GABRB1: variants seen among roughly 807,000 people sequenced by gnomAD.
GABRB1 encodes the protein gamma-aminobutyric acid type A receptor subunit beta1, also known as gamma-aminobutyric acid receptor subunit beta-1.
In GABRB1, 17 loss-of-function variants were observed where a neutral mutation model predicts 51.6. The observed-to-expected ratio is 0.33, with a 90% CI of 0.23 to 0.49. The LOEUF (loss-of-function observed/expected upper bound fraction) is 0.49. GABRB1 is among the 20% of genes least tolerant of loss of function. The pLI is 0.99. For missense variants in GABRB1, 410 were observed against 600.6 expected (o/e 0.68, Z 3.32); for synonymous variants, 247 against 218.9 (o/e 1.13, Z -1.14).
intron 5 of GABRB1, among the ~76,000 whole-genome samples, chr4:47,349,260 A>T (rs1726220002): frequency 6.6e-6 from 1 of 152,152 alleles, no homozygotes; most frequent in South Asian, 2.1e-4. Flanking sequence ...GGTAAGGAAG[A>T]TGGCTTGGGA....
intron 4 of GABRB1, among the ~76,000 whole-genome samples, chr4:47,268,950 T>C (rs539238679): frequency 6.6e-6 from 1 of 152,206 alleles, no homozygotes; most frequent in African/African-American, 2.4e-5. Flanking sequence ...CTGTGTTTCA[T>C]GCAAAATGAA....
At chr4:47,156,211 C>T (rs985673636) in intron 3 of GABRB1, among the ~76,000 whole-genome samples, 4 of 151,864 alleles carry the variant, frequency 2.6e-5, no homozygotes, top group Non-Finnish European at 5.9e-5. Flanking sequence ...CTTTTCTCCA[C>T]ATCCTTTCCA....
chr4:47,053,920 G>A (rs919008381), intron 3 of GABRB1, among the ~76,000 whole-genome samples: 5 of 152,078 alleles, frequency 3.3e-5, no homozygotes, highest in African/African-American at 1.2e-4. Flanking sequence ...TTCACTGATT[G>A]TTGCACGTGC....
At chr4:47,210,925 G>A (rs1578004203) in intron 4 of GABRB1, among the ~76,000 whole-genome samples, 3 of 152,254 alleles carry the variant, frequency 2.0e-5, no homozygotes, top group Admixed American at 1.3e-4. Context: ...GAGGTGACAA[G>A]TAGAAATTAG....
chr4:47,254,361 GTTTTTTTTTTTTTTTT>G (rs56838956), intron 4 of GABRB1, among the ~76,000 whole-genome samples: 1 of 80,966 alleles, frequency 1.2e-5, no homozygotes, highest in Non-Finnish European at 2.3e-5. Context: ...TCTTTTCTTT[GTTTTTTTTTTTTTTTT>G]TTTTTTTTTT....
Position 47,421,954 on chromosome 4 carries a change from C to T in GABRB1, c.1081-3720C>T, listed in dbSNP as rs1219342402. On this transcript the variant is annotated intron_variant, in intron 8 of 8. Transcript: ENST00000295454. ...TTATCTTCTAATGTAATTCTCCCTC[C>T]TTTAAGGAATTCAAGCATTTTGGTC... Among the ~76,000 whole-genome samples, 3 of 152,226 alleles carry T rather than the reference C, an allele frequency of 2.0e-5. No individual in the cohort carries two copies. In the East Asian group the frequency reaches 5.8e-4, roughly 29 times the overall value.
At chr4:47,165,962 T>C (rs890231298) in intron 4 of GABRB1, among the ~76,000 whole-genome samples, 1 of 152,102 alleles carries the variant, frequency 6.6e-6, no homozygotes, top group South Asian at 2.1e-4. Context: ...AATTCCACTC[T>C]ATCTCAATCT....
intron 5 of GABRB1, among the ~76,000 whole-genome samples, chr4:47,401,570 G>A (rs557085355): frequency 1.8e-4 from 28 of 152,264 alleles, no homozygotes; most frequent in African/African-American, 6.7e-4. Flanking sequence ...AAAATCCCAT[G>A]ATGCCATTGT....
chr4:47,323,537 A>G (rs1361202259), intron 5 of GABRB1, among the ~76,000 whole-genome samples: 3 of 152,188 alleles, frequency 2.0e-5, no homozygotes, highest in African/African-American at 7.2e-5. Context: ...TTGACAGTGT[A>G]TCAAGACTAT....
chr4:47,238,300 C>G (rs980401865), intron 4 of GABRB1, among the ~76,000 whole-genome samples: 1 of 152,060 alleles, frequency 6.6e-6, no homozygotes, highest in Non-Finnish European at 1.5e-5. Context: ...TATACCGATT[C>G]TGCTTAATAT....
chr4:47,050,547 G>A (rs1198991614), intron 3 of GABRB1, among the ~76,000 whole-genome samples: 2 of 152,084 alleles, frequency 1.3e-5, no homozygotes, highest in Non-Finnish European at 2.9e-5. Context: ...AGAGTTGAAG[G>A]AAGCAAAGAA....
intron 3 of GABRB1, among the ~76,000 whole-genome samples, chr4:47,051,158 G>GA (rs533112514): frequency 6.6e-5 from 10 of 151,852 alleles, no homozygotes; most frequent in Middle Eastern, 3.2e-3. Flanking sequence ...AGGAAGGAGG[G>GA]AAAAAAAAGA....
intron 3 of GABRB1, among the ~76,000 whole-genome samples, chr4:47,062,009 A>T (rs1265173863): frequency 6.6e-6 from 1 of 152,092 alleles, no homozygotes; most frequent in African/African-American, 2.4e-5. Context: ...ATTTATCTTC[A>T]CCTTGCAAAG....
chr4:47,343,370 C>G (rs1436379093), intron 5 of GABRB1, among the ~76,000 whole-genome samples: 1 of 152,124 alleles, frequency 6.6e-6, no homozygotes, highest in South Asian at 2.1e-4. Context: ...CAAAATGCAG[C>G]AACAATGGAC....
chr4:47,343,128 G>A (rs959769298), intron 5 of GABRB1, among the ~76,000 whole-genome samples: 1 of 151,570 alleles, frequency 6.6e-6, no homozygotes, highest in Admixed American at 6.6e-5. Context: ...TATGGTTAAA[G>A]TCACCCTCAC....
chr4:47,415,040 C>T (rs775898510), intron 8 of GABRB1, among the ~76,000 whole-genome samples: 4 of 152,216 alleles, frequency 2.6e-5, no homozygotes, highest in South Asian at 2.1e-4. Context: ...AATCTGGCTT[C>T]GTTCGCTTTT....
At chr4:47,298,859 C>A (rs1724124548) in intron 4 of GABRB1, among the ~76,000 whole-genome samples, 1 of 151,874 alleles carries the variant, frequency 6.6e-6, no homozygotes, top group African/African-American at 2.4e-5. Context: ...CTACAGTAAC[C>A]AAAACAGCAT....
intron 5 of GABRB1, among the ~76,000 whole-genome samples, chr4:47,400,198 T>A (rs1470840258): frequency 1.3e-5 from 2 of 152,138 alleles, no homozygotes; most frequent in African/African-American, 4.8e-5. Context: ...TTTCATATAT[T>A]TAAAAAAAAA....
At chr4:47,102,282 A>C (rs1010504561) in intron 3 of GABRB1, among the ~76,000 whole-genome samples, 22 of 152,048 alleles carry the variant, frequency 1.4e-4, no homozygotes, top group African/African-American at 2.4e-5. Flanking sequence ...TTATTCAAGC[A>C]CAAGCCATTA....
Sources: allele counts gnomAD v4.1 joint callset (sites outside exome capture counted in the v4.1 genomes callset), GRCh38; gene constraint gnomAD v4.1.1; transcripts MANE v1.5; gene names NCBI Gene and HGNC (gene_info 2026-07-23, HGNC 2026-07-21).